The following NRG3 variants were observed in gnomAD, a reference collection of about 807,000 sequenced individuals.
NRG3 encodes the protein neuregulin 3.
A neutral mutation model predicts 66.9 loss-of-function variants in NRG3; 31 were observed. The observed-to-expected ratio is 0.46, with a 90% confidence interval of 0.35 to 0.63. The LOEUF (loss-of-function observed/expected upper bound fraction) is 0.63. Ranked by LOEUF, NRG3 falls within the 20% of genes least tolerant of loss-of-function variation. The probability of loss-of-function intolerance (pLI) is 0.00; values close to 1 mark genes in which losing one functional copy is unlikely to be tolerated. For missense variants in NRG3, 910 were observed against 878.9 expected (o/e 1.04, Z -0.45); for synonymous variants, 393 against 359.4 (o/e 1.09, Z -1.06).
At chr10:82,117,819 T>C (rs2067820698) in intron 1 of NRG3, among the ~76,000 whole-genome samples, 1 of 152,176 alleles carries the variant, frequency 6.6e-6, no homozygotes, top group African/African-American at 2.4e-5. Context: ...GAATTTTAGC[T>C]CTTTTGTCTG....
At chr10:82,791,493 T>A (rs2060585437) in intron 3 of NRG3, among the ~76,000 whole-genome samples, 1 of 152,016 alleles carries the variant, frequency 6.6e-6, no homozygotes, top group Non-Finnish European at 1.5e-5. Context: ...ACATTTGTGC[T>A]GGGGCAAGCC....
intron 1 of NRG3, among the ~76,000 whole-genome samples, chr10:81,934,997 A>G (rs1432681434): frequency 6.6e-6 from 1 of 152,198 alleles, no homozygotes; most frequent in African/African-American, 2.4e-5. Context: ...AATGAATAGA[A>G]CTACTTTGTA....
chr10:82,345,493 A>G (rs2082953660), intron 1 of NRG3, among the ~76,000 whole-genome samples: 1 of 151,762 alleles, frequency 6.6e-6, no homozygotes. Flanking sequence ...GAAGTCAGGT[A>G]GTGTGATGCC....
At chr10:82,649,084 C>G (rs555860253) in intron 2 of NRG3, among the ~76,000 whole-genome samples, 1 of 152,314 alleles carries the variant, frequency 6.6e-6, no homozygotes, top group South Asian at 2.1e-4. Context: ...TGCCCTCTCT[C>G]ACCACTCCTA....
chr10:82,820,542 G>A (rs1020491028), intron 3 of NRG3, among the ~76,000 whole-genome samples: 2 of 152,148 alleles, frequency 1.3e-5, no homozygotes, highest in African/African-American at 4.8e-5. Flanking sequence ...TCTCTAGCAA[G>A]ACAGCTAGAT....
At chr10:82,600,378 T>A (rs2047544859) in intron 2 of NRG3, among the ~76,000 whole-genome samples, 1 of 152,254 alleles carries the variant, frequency 6.6e-6, no homozygotes, top group Admixed American at 6.5e-5. Flanking sequence ...AACAGCTGAA[T>A]TGTTTTAATA....
chr10:82,147,331 C>G lies in NRG3; in HGVS notation c.824-211408C>G, dbSNP rs78588716. The stretch of plus-strand genomic sequence containing the variant: ...TCTCACATTTGATTTTCCCTGTGAT[C>G]CCTGGGATCTGGCTTAGGTTTGGAT... On this transcript the variant is annotated intron_variant, in intron 1 of 8. Coordinates refer to ENST00000372141, the MANE Select transcript of NRG3 (RefSeq NM_001010848.4). Among the ~76,000 whole-genome samples the G allele has an allele frequency of 7.4e-3, 1,128 of 152,244 alleles. 10 individuals are homozygous for G. The highest frequency in any genetic ancestry group is 0.026 in the African/African-American group (1,071 of 41,544).
chr10:82,000,562 G>A (rs1024727759), intron 1 of NRG3, among the ~76,000 whole-genome samples: 2 of 152,154 alleles, frequency 1.3e-5, no homozygotes, highest in African/African-American at 4.8e-5. Flanking sequence ...CATCAGGAAA[G>A]CTGTTAGCTA....
intron 3 of NRG3, among the ~76,000 whole-genome samples, chr10:82,801,893 A>G (rs1276571542): frequency 6.6e-6 from 1 of 152,202 alleles, no homozygotes; most frequent in African/African-American, 2.4e-5. Flanking sequence ...ATCCATTGCT[A>G]TCCCATGCTT....
intron 2 of NRG3, among the ~76,000 whole-genome samples, chr10:82,535,902 C>CT (rs34319022): frequency 0.09 from 11,968 of 132,954 alleles, 957 homozygotes; most frequent in East Asian, 0.38. Context: ...TTAAAGTAGT[C>CT]TTTTTTTTTT....
chr10:82,884,852 A>G (rs10509460), intron 4 of NRG3, among the ~76,000 whole-genome samples: 6,029 of 152,308 alleles, frequency 0.04, 135 homozygotes, highest in Middle Eastern at 0.095. Context: ...CAATGAAAAG[A>G]TGGTAATGTG....
chr10:82,696,505 T>A (rs2055394232), intron 2 of NRG3, among the ~76,000 whole-genome samples: 1 of 151,862 alleles, frequency 6.6e-6, no homozygotes, highest in East Asian at 1.9e-4. Flanking sequence ...GAAAAAAAAA[T>A]AACTTCCTCT....
chr10:82,624,776 G>C (rs1214996997), intron 2 of NRG3, among the ~76,000 whole-genome samples: 2 of 147,554 alleles, frequency 1.4e-5, no homozygotes, highest in African/African-American at 4.9e-5. Context: ...CAATGTACCA[G>C]GTTGGTGCTT....
At chr10:82,016,421 C>T (rs1763633309) in intron 1 of NRG3, among the ~76,000 whole-genome samples, 1 of 151,986 alleles carries the variant, frequency 6.6e-6, no homozygotes, top group South Asian at 2.1e-4. Context: ...AAGAAAATGG[C>T]AGGCAGTAAG....
At chr10:82,037,523 T>C (rs2062840568) in intron 1 of NRG3, among the ~76,000 whole-genome samples, 1 of 152,182 alleles carries the variant, frequency 6.6e-6, no homozygotes, top group South Asian at 2.1e-4. Flanking sequence ...TTTTCCCTTC[T>C]TTGTTCACAT....
intron 2 of NRG3, among the ~76,000 whole-genome samples, chr10:82,644,139 G>GT (rs2133834331): frequency 6.6e-6 from 1 of 152,192 alleles, no homozygotes; most frequent in Admixed American, 6.5e-5. Flanking sequence ...TTTCTTGAGG[G>GT]TGGGGATATA....
intron 2 of NRG3, among the ~76,000 whole-genome samples, chr10:82,393,442 A>G (rs1027713125): frequency 6.6e-6 from 1 of 152,178 alleles, no homozygotes; most frequent in African/African-American, 2.4e-5. Context: ...ACTGATTGAC[A>G]TGGACTGACT....
At chr10:82,232,901 G>C in intron 1 of NRG3, 4 of 703,570 alleles carry the variant, frequency 5.7e-6, no homozygotes, top group Non-Finnish European at 8.0e-6. Flanking sequence ...GGACTACTTT[G>C]AATAATTTCT....
rs145748547 is a variant in NRG3 at position 81,932,872 on chromosome 10, G to T, written c.823+56709G>T. ...GCCTGTAATCCCAGCACTTTGGGAGGCCAAGGCGGGTGAATCACAAGGTGA... is the reference window on the plus strand; with the variant it reads ...GCCTGTAATCCCAGCACTTTGGGAGTCCAAGGCGGGTGAATCACAAGGTGA... On this transcript the variant is annotated intron_variant, in intron 1 of 8. Coordinates refer to ENST00000372141, the MANE Select transcript of NRG3 (RefSeq NM_001010848.4). 2.4e-4 allele frequency among the ~76,000 whole-genome samples: 36 copies of T among 152,160 alleles called. No homozygotes were observed. The East Asian group carries it at 6.6e-3, about 28-fold the overall frequency.
Sources: gnomAD v4.1 joint callset for allele counts (sites outside exome capture counted in the v4.1 genomes callset) on GRCh38, gnomAD v4.1.1 for gene constraint, MANE v1.5 for transcripts, NCBI Gene and HGNC (gene_info 2026-07-23, HGNC 2026-07-21) for gene names.